The following CYP2F1 variants were observed in gnomAD, a reference collection of about 807,000 sequenced individuals.
The protein encoded by CYP2F1 is cytochrome P450 family 2 subfamily F member 1.
Under a neutral mutation model 40.4 loss-of-function variants are expected in CYP2F1, and 33 were observed. The observed-to-expected ratio is 0.82, with a 90% confidence interval of 0.62 to 1.09. The LOEUF is 1.09. Among genes scored for constraint, CYP2F1 ranks in the 50% least tolerant of loss-of-function variants. The pLI, the probability that CYP2F1 is intolerant of heterozygous loss-of-function variation, is 0.00. For missense variants in CYP2F1, 566 were observed against 655.7 expected, an observed-to-expected ratio of 0.86 and a Z score of 1.49; for synonymous variants, 235 against 277.2, an observed-to-expected ratio of 0.85 and a Z score of 1.51.
chr19:41,119,674 C>A (rs2032024716), intron 3 of CYP2F1, among the ~76,000 whole-genome samples: 2 of 78,540 alleles, frequency 2.5e-5, no homozygotes, highest in African/African-American at 4.9e-5. Flanking sequence ...GGCAACAGAG[C>A]AAGACTCCGT....
At chr19:41,123,406 C>T in intron 7 of CYP2F1, 2 of 348,446 alleles carry the variant, frequency 5.7e-6, no homozygotes, top group Non-Finnish European at 1.1e-5. Flanking sequence ...TTAGTAGAGA[C>T]AGGGTTTCAC....
intron 4 of CYP2F1, 116 bp from the exon 5 acceptor site, chr19:41,121,342 C>G: frequency 1.9e-6 from 2 of 1,071,368 alleles, no homozygotes; most frequent in Non-Finnish European, 2.7e-6. Context: ...GTGTTTGCAC[C>G]GTAAGACACG....
Position 41,116,490 on chromosome 19 carries a change from C to G in CYP2F1, c.207C>G (p.His69Gln). The G allele has an allele frequency of 6.2e-7, 1 of 1,613,934 alleles. No homozygotes were observed. Among genetic ancestry groups the G allele is most frequent in the Non-Finnish European group, 8.5e-7 (1 of 1,179,922 alleles). ...SKEYGSMYTV[H>Q]LGPRRVVVLS... The stretch of plus-strand genomic sequence containing the variant: ...AGTATGGCTCCATGTACACAGTGCA[C>G]CTGGGACCCAGGCGGGTGGTGGTCC... The change falls in exon 3 of 10, where the codon CAC (histidine) becomes CAG (glutamine). Residue 69 changes from histidine to glutamine, a missense_variant. Transcript: ENST00000331105.
In CYP2F1 at chr19:41,116,224, C is replaced by G. The variant is rs113827709; in HGVS notation, c.36C>G (p.Leu12=). The change falls in exon 2 of 10, where the codon CTC becomes CTG. Residue 12 remains leucine, a synonymous_variant. Coordinates refer to ENST00000331105, the MANE Select transcript of CYP2F1 (RefSeq NM_000774.5). ...TAAGCACAGCCATCTTACTCCTGCT[C>G]CTGGCTCTCGTCTGTCTGCTCCTGA... The part of the protein sequence containing the change: ...DSISTAILLL[L]LALVCLLLTL... 3 of 1,614,028 alleles carry G rather than the reference C, an allele frequency of 1.9e-6. No individual in the cohort carries two copies. The East Asian group carries it at 6.7e-5, about 36-fold the overall frequency.
intron 7 of CYP2F1, among the ~76,000 whole-genome samples, chr19:41,124,422 C>A (rs1335047043): frequency 3.3e-5 from 5 of 151,910 alleles, no homozygotes; most frequent in Admixed American, 2.0e-4. Flanking sequence ...CGCCACCAAG[C>A]CCAGCTAATT....
rs145340794 is a variant in CYP2F1, at chr19:41,126,618, G to A, written c.1294+984G>A. Among the ~76,000 whole-genome samples the A allele has an allele frequency of 3.5e-3, 535 of 151,970 alleles. 2 individuals carry two copies. The highest frequency in any genetic ancestry group is 0.012 in the African/African-American group (516 of 41,456). On this transcript the variant is annotated intron_variant, in intron 9 of 9. Transcript: ENST00000331105. ...AATGTTAAAATTACCTAGATGTGGT[G>A]TGGTGTGCATCTGTGGTCCCAGCTA...
At chr19:41,123,202 T>C (rs1340672017) in intron 7 of CYP2F1, 1 of 629,242 alleles carries the variant, frequency 1.6e-6, no homozygotes, top group Non-Finnish European at 2.9e-6. Flanking sequence ...TTTTTGTCTT[T>C]GTTTTGTTTT....
intron 9 of CYP2F1, 24 bp from the exon 10 acceptor site, chr19:41,127,877 C>G: frequency 6.2e-7 from 1 of 1,602,596 alleles, no homozygotes; most frequent in Non-Finnish European, 8.5e-7. Context: ...CTCACCGCCG[C>G]TCCCCATCCT....
intron 1 of CYP2F1, among the ~76,000 whole-genome samples, chr19:41,115,006 G>A (rs1214131461): frequency 1.3e-5 from 2 of 152,048 alleles, no homozygotes; most frequent in Non-Finnish European, 2.9e-5. Context: ...CTGACCTCAA[G>A]TGATCCGCCT....
At chr19:41,125,113 G>C in intron 8 of CYP2F1, 1 of 582,994 alleles carries the variant, frequency 1.7e-6, no homozygotes, top group South Asian at 2.4e-5. Context: ...TAGTGGACTA[G>C]ACCCCTTCAC....
At position 41,116,012 on chromosome 19, in the gene CYP2F1, T is replaced by A. The variant is rs540357855; in HGVS notation, c.-11-166T>A. On this transcript the variant is annotated intron_variant, in intron 1 of 9. Transcript: ENST00000331105. The stretch of plus-strand genomic sequence containing the variant: ...TATCTGTCTATATGTTGACTATCTC[T>A]GCCTCTTTCCTCCTTTCTCCCTCCC... Among the ~76,000 whole-genome samples the A allele has an allele frequency of 4.6e-5, 7 of 152,268 alleles. No individual in the cohort carries two copies. The East Asian group carries it at 1.4e-3, about 29-fold the overall frequency.
intron 1 of CYP2F1, among the ~76,000 whole-genome samples, chr19:41,114,870 A>G (rs2031700043): frequency 6.9e-6 from 1 of 144,310 alleles, no homozygotes; most frequent in Admixed American, 7.3e-5. Flanking sequence ...CCTGGGTTCA[A>G]GCGATTCTCC....
chr19:41,122,804 A>AC lies in CYP2F1; in HGVS notation c.823-14dup. On this transcript the variant is annotated splice_polypyrimidine_tract_variant and intron_variant, in intron 6 of 9. Transcript: ENST00000331105. ...GCCTCCATTCCTGGCTCACATCCCCACCCCTCTACCAATGCAGGAGAAGGA... is the reference window on the plus strand; with the variant it reads ...GCCTCCATTCCTGGCTCACATCCCCACCCCCTCTACCAATGCAGGAGAAGGA... 6.6e-7 allele frequency: 1 copy of AC among 1,517,670 alleles called. No homozygotes were observed. Among genetic ancestry groups the AC allele is most frequent in the Non-Finnish European group, 8.8e-7 (1 of 1,133,446 alleles). The allele number at this position is 1,517,670 out of a possible 1,614,324, so 94.0% of individuals were successfully genotyped here.
intron 6 of CYP2F1, 77 bp from the exon 7 acceptor site, chr19:41,122,745 C>G: frequency 7.1e-7 from 1 of 1,415,638 alleles, no homozygotes; most frequent in Non-Finnish European, 9.3e-7. Flanking sequence ...CGAATGGGCC[C>G]CCAGCAGCAG....
chr19:41,123,086 G>C, intron 7 of CYP2F1, 123 bp downstream of exon 7: 1 of 1,193,564 alleles, frequency 8.4e-7, no homozygotes, highest in Non-Finnish European at 1.2e-6. Flanking sequence ...GGATTCCACA[G>C]CCAAACCCAC....
In CYP2F1 at chr19:41,116,542, G is replaced by T. The variant is rs1180521360; in HGVS notation, c.259G>T (p.Ala87Ser). The stretch of plus-strand genomic sequence containing the variant: ...CAGCGGGTACCAAGCTGTGAAGGAG[G>T]CCCTGGTGGACCAGGGAGAGGAGTT... ...VLSGYQAVKE[A>S]LVDQGEEFSG... The change falls in exon 3 of 10, where the codon GCC becomes TCC. Residue 87 changes from alanine (A) to serine (S), a missense_variant. Around this residue, in one of 5 missense-constraint regions of CYP2F1, gnomAD observed 264 missense variants for 275.7 expected, o/e 0.96. Coordinates refer to ENST00000331105, the MANE Select transcript of CYP2F1 (RefSeq NM_000774.5). The T allele has an allele frequency of 2.5e-6, 4 of 1,613,880 alleles. No individual in the cohort carries two copies. Among genetic ancestry groups the T allele is most frequent in the Non-Finnish European group, 3.4e-6 (4 of 1,179,956 alleles).
chr19:41,124,765 G>T lies in CYP2F1; in HGVS notation c.1011G>T (p.Leu337=). 1 of 1,607,782 alleles carries T rather than the reference G, an allele frequency of 6.2e-7. No homozygotes were observed. The highest frequency in any genetic ancestry group is 8.5e-7 in the Non-Finnish European group (1 of 1,179,464). Residue 337 remains leucine (L), a synonymous_variant, in exon 8 of 10, where the codon CTG becomes CTT. Transcript: ENST00000331105. ...EIDLVVGRAR[L]PALKDRAAMP... is the part of the protein sequence containing the mutation. The stretch of plus-strand genomic sequence containing the variant: ...ACCTCGTGGTGGGACGCGCGCGGCT[G>T]CCGGCGCTGAAGGACCGCGCGGCCA...
Position 41,125,269 on chromosome 19 carries a change from G to T in CYP2F1, c.1153-224G>T, listed in dbSNP as rs981525300. On this transcript the variant is annotated intron_variant, in intron 8 of 9. Transcript: ENST00000331105. ...ACATCTGTTCCCACAAAGGTTGGGG[G>T]TTTCCCACATCCCTGCCAAAGTCCC... 2.4e-5 allele frequency: 15 copies of T among 623,850 alleles called. No homozygotes were observed. In the Admixed American group the frequency reaches 4.5e-4, roughly 19 times the overall value. The allele number at this position is 623,850 out of a possible 1,614,324, so 38.6% of individuals were successfully genotyped here. A position where few individuals can be genotyped will look rare whatever the true frequency, so the allele number is the denominator to read the frequency against.
chr19:41,122,075 C>G lies in CYP2F1; in HGVS notation c.764C>G (p.Ser255Trp), dbSNP rs763777278. Reference protein sequence around the residue: ...IAHSVHDHQASLDPRSPRDFI... With the variant: ...IAHSVHDHQAWLDPRSPRDFI... ...CACAGCGTCCACGACCACCAGGCCTCGCTAGACCCCAGATCTCCCCGGGAC... is the reference window on the plus strand; with the variant it reads ...CACAGCGTCCACGACCACCAGGCCTGGCTAGACCCCAGATCTCCCCGGGAC... Residue 255 changes from serine (S) to tryptophan (W), a missense_variant, in exon 6 of 10, where the codon TCG becomes TGG. Around this residue, in one of 5 missense-constraint regions of CYP2F1, gnomAD observed 62 missense variants for 105.6 expected, o/e 0.59. Transcript: ENST00000331105. The G allele has an allele frequency of 1.9e-6, 3 of 1,601,162 alleles. No homozygotes were observed. Among genetic ancestry groups the G allele is most frequent in the Admixed American group, 3.4e-5 (2 of 59,526 alleles).
Sources: allele counts gnomAD v4.1 joint callset (sites outside exome capture counted in the v4.1 genomes callset), GRCh38; gene constraint gnomAD v4.1.1; regional missense constraint gnomAD v4.1.1; transcripts MANE v1.5; gene names NCBI Gene and HGNC (gene_info 2026-07-23, HGNC 2026-07-21).